RANBP2: variants seen among roughly 807,000 people sequenced by gnomAD.
RANBP2 encodes the protein E3 SUMO-protein ligase RanBP2.
In RANBP2, 57 loss-of-function variants were observed where a neutral mutation model predicts 303.6. The ratio of observed to expected loss-of-function variants is 0.19; its 90% confidence interval spans 0.15 to 0.23. The LOEUF (loss-of-function observed/expected upper bound fraction) is 0.23, where lower values mean the gene tolerates loss of function less well. Among genes scored for constraint, RANBP2 ranks in the 10% least tolerant of loss-of-function variants. The pLI, the probability that RANBP2 is intolerant of heterozygous loss-of-function variation, is 1.00. For missense variants in RANBP2, 3,138 were observed against 3,780.8 expected (o/e 0.83, Z 4.46); for synonymous variants, 1,167 against 1,301.5 (o/e 0.90, Z 2.23).
the RANBP2 span, among the ~76,000 whole-genome samples, chr2:109,174,110 A>AG: frequency 6.6e-6 from 1 of 152,232 alleles, no homozygotes; most frequent in Non-Finnish European, 1.5e-5. Context: ...CAGTGGCTTC[A>AG]GGACAGCAGG....
chr2:109,713,258 C>G, the RANBP2 span, among the ~76,000 whole-genome samples: 1 of 152,166 alleles, frequency 6.6e-6, no homozygotes, highest in African/African-American at 2.4e-5. Flanking sequence ...ATCTCCAGGA[C>G]AGGTTCAGGG....
the RANBP2 span, among the ~76,000 whole-genome samples, chr2:109,197,131 C>G: frequency 1.3e-5 from 2 of 152,192 alleles, no homozygotes; most frequent in East Asian, 3.9e-4. Context: ...TGGGTTTGAA[C>G]CTGTGCAGAT....
chr2:109,130,502 C>T, the RANBP2 span, among the ~76,000 whole-genome samples: 1 of 152,208 alleles, frequency 6.6e-6, no homozygotes. Context: ...GAAAAGTTAG[C>T]CCTTAACGTT....
chr2:109,631,028 T>G, the RANBP2 span, among the ~76,000 whole-genome samples: 2 of 152,192 alleles, frequency 1.3e-5, no homozygotes, highest in African/African-American at 4.8e-5. Flanking sequence ...GTCACGGCAC[T>G]GCACTCCAGC....
chr2:109,442,012 T>C, the RANBP2 span, among the ~76,000 whole-genome samples: 3 of 152,134 alleles, frequency 2.0e-5, no homozygotes, highest in Non-Finnish European at 4.4e-5. Context: ...ATTTTGTCTC[T>C]AATAAATCCA....
At chr2:108,942,102 G>GT in the RANBP2 span, among the ~76,000 whole-genome samples, 1 of 152,254 alleles carries the variant, frequency 6.6e-6, no homozygotes, top group Non-Finnish European at 1.5e-5. Flanking sequence ...TGTGTGCTGG[G>GT]GGCAGAGGCC....
At chr2:109,078,268 GTATATA>G in the RANBP2 span, among the ~76,000 whole-genome samples, 1,569 of 46,238 alleles carry the variant, frequency 0.034, 179 homozygotes, top group African/African-American at 0.072. Context: ...TATATAGCGC[GTATATA>G]TATATATATA....
the RANBP2 span, among the ~76,000 whole-genome samples, chr2:108,944,850 G>A: frequency 6.6e-6 from 1 of 152,188 alleles, no homozygotes; most frequent in Admixed American, 6.5e-5. Flanking sequence ...TCCCAGGCCA[G>A]GAGCTATGGT....
chr2:108,958,101 C>G, the RANBP2 span, among the ~76,000 whole-genome samples: 1 of 152,186 alleles, frequency 6.6e-6, no homozygotes, highest in South Asian at 2.1e-4. Flanking sequence ...TCAGACTAAA[C>G]GAACGCACAC....
chr2:108,863,477 G>A, the RANBP2 span, among the ~76,000 whole-genome samples: 4,341 of 152,256 alleles, frequency 0.029, 195 homozygotes, highest in African/African-American at 0.1. Flanking sequence ...GTTAGTGAGG[G>A]CAGAGAAGTA....
At chr2:109,690,012 C>G in the RANBP2 span, among the ~76,000 whole-genome samples, 1 of 152,118 alleles carries the variant, frequency 6.6e-6, no homozygotes, top group Admixed American at 6.6e-5. Flanking sequence ...GCACAAAGAT[C>G]AAAGCTCTTT....
the RANBP2 span, among the ~76,000 whole-genome samples, chr2:109,685,169 A>G: frequency 6.6e-6 from 1 of 152,144 alleles, no homozygotes; most frequent in African/African-American, 2.4e-5. Context: ...CACCGCGCCC[A>G]GCCCTCTTTC....
In RANBP2 at chr2:108,763,530, G is replaced by C. The variant is rs1206593146; in HGVS notation, c.2991G>C (p.Lys997Asn). Residue 997 changes from lysine (K) to asparagine (N), a missense_variant, in exon 20 of 29, where the codon AAG becomes AAC. Transcript: ENST00000283195. ...AAHASRSAES[K>N]TIEFGKTNFV... ...ATGCTTCAAGATCTGCAGAATCTAA[G>C]ACTATAGAATTTGGGAAAACTAATT... The C allele has an allele frequency of 6.2e-7, 1 of 1,614,064 alleles. No individual in the cohort carries two copies. Among genetic ancestry groups the C allele is most frequent in the Admixed American group, 1.7e-5 (1 of 60,002 alleles).
the RANBP2 span, among the ~76,000 whole-genome samples, chr2:109,003,496 C>T: frequency 1.3e-5 from 2 of 151,794 alleles, no homozygotes; most frequent in Non-Finnish European, 2.9e-5. Flanking sequence ...CTGCAACCTC[C>T]GTCTCCTGGG....
chr2:109,338,602 G>C, the RANBP2 span, among the ~76,000 whole-genome samples: 18,403 of 152,184 alleles, frequency 0.12, 1,303 homozygotes, highest in Middle Eastern at 0.21. Context: ...CTGTTGCCCA[G>C]ACTGGAATGC....
chr2:109,025,530 G>A, the RANBP2 span, among the ~76,000 whole-genome samples: 302 of 152,280 alleles, frequency 2.0e-3, 2 homozygotes, highest in African/African-American at 6.4e-3. Context: ...GACATAGGGC[G>A]GGTGCGGTGG....
At chr2:109,182,877 A>G in the RANBP2 span, among the ~76,000 whole-genome samples, 1 of 152,248 alleles carries the variant, frequency 6.6e-6, no homozygotes, top group Non-Finnish European at 1.5e-5. Flanking sequence ...ATTGCCATAT[A>G]AAATTATACT....
At chr2:109,642,825 G>C in the RANBP2 span, among the ~76,000 whole-genome samples, 1 of 151,988 alleles carries the variant, frequency 6.6e-6, no homozygotes, top group African/African-American at 2.4e-5. Context: ...TTCCAGCATA[G>C]GACAGTGTGA....
chr2:109,619,856 C>T, the RANBP2 span, among the ~76,000 whole-genome samples: 5 of 152,176 alleles, frequency 3.3e-5, no homozygotes, highest in African/African-American at 1.2e-4. Flanking sequence ...TGCTGTAAAC[C>T]AGTATTCCTT....
Sources: allele counts gnomAD v4.1 joint callset (sites outside exome capture counted in the v4.1 genomes callset), GRCh38; gene constraint gnomAD v4.1.1; transcripts MANE v1.5; gene names NCBI Gene and HGNC (gene_info 2026-07-23, HGNC 2026-07-21).